The following CDH4 variants were observed in gnomAD, a reference collection of about 807,000 sequenced individuals.
The protein encoded by CDH4 is cadherin-4.
In CDH4, 33 loss-of-function variants were observed where a neutral mutation model predicts 86.0. The observed-to-expected ratio is 0.38, with a 90% CI of 0.29 to 0.51. CDH4 has a LOEUF of 0.51. Among genes scored for constraint, CDH4 ranks in the 20% least tolerant of loss-of-function variants. The pLI is 0.86. For synonymous variants in CDH4, 555 were observed against 549.4 expected (o/e 1.01, Z -0.14); for missense variants, 1,114 against 1,307.4 (o/e 0.85, Z 2.28).
intron 2 of CDH4, among the ~76,000 whole-genome samples, chr20:61,379,173 TA>T (rs1482250116): frequency 3.3e-5 from 5 of 152,116 alleles, no homozygotes; most frequent in Non-Finnish European, 7.3e-5. Context: ...CTTAACAGAC[TA>T]ACACCAGGGT....
chr20:61,314,170 C>A (rs529144402), intron 2 of CDH4, among the ~76,000 whole-genome samples: 1 of 152,322 alleles, frequency 6.6e-6, no homozygotes, highest in African/African-American at 2.4e-5. Flanking sequence ...TTCAAATTAA[C>A]CATACAGTGT....
intron 2 of CDH4, among the ~76,000 whole-genome samples, chr20:61,716,715 C>A (rs1431327546): frequency 6.6e-6 from 1 of 152,128 alleles, no homozygotes; most frequent in African/African-American, 2.4e-5. Flanking sequence ...TTGAGACCAG[C>A]CTGGCCAACA....
rs1600819208 is a variant in CDH4, at chr20:61,269,183, G to A, written c.169+14246G>A. Among the ~76,000 whole-genome samples the A allele has an allele frequency of 6.6e-6, 1 of 152,298 alleles. No homozygotes were observed. Among genetic ancestry groups the A allele is most frequent in the East Asian group, 1.9e-4 (1 of 5,182 alleles). On this transcript the variant is annotated intron_variant, in intron 2 of 15. Transcript: ENST00000614565. This position sits in a 1 kb window ranked among gnomAD's most constrained non-coding sequence, Gnocchi z 5.3. ...TGGGTTCATCTGCATGACCACCCTA[G>A]GCAGGAGGCATGTTACTAACCCTCC...
intron 2 of CDH4, among the ~76,000 whole-genome samples, chr20:61,648,786 C>T (rs76281002): frequency 0.021 from 3,146 of 152,266 alleles, 126 homozygotes; most frequent in African/African-American, 0.071. Flanking sequence ...ATGGCCACAC[C>T]TCTCCCAGCT....
At chr20:61,304,516 T>A (rs983009298) in intron 2 of CDH4, among the ~76,000 whole-genome samples, 4 of 151,110 alleles carry the variant, frequency 2.6e-5, no homozygotes, top group Non-Finnish European at 5.9e-5. Flanking sequence ...TGTGCTGTGT[T>A]TGTTGTGTTG....
intron 2 of CDH4, among the ~76,000 whole-genome samples, chr20:61,285,757 C>T (rs2084289852): frequency 6.6e-6 from 1 of 152,256 alleles, no homozygotes; most frequent in Admixed American, 6.5e-5. Context: ...GAAAGGATTA[C>T]TCTGCAGACA....
chr20:61,840,851 C>T (rs1392609838), intron 4 of CDH4, among the ~76,000 whole-genome samples: 1 of 152,244 alleles, frequency 6.6e-6, no homozygotes, highest in Admixed American at 6.5e-5. Flanking sequence ...GCACATCACC[C>T]GCAGCCACCC....
chr20:61,832,255 C>G (rs1042726371), intron 4 of CDH4, among the ~76,000 whole-genome samples: 1 of 152,208 alleles, frequency 6.6e-6, no homozygotes, highest in Non-Finnish European at 1.5e-5. Flanking sequence ...GATCCCAGCT[C>G]AAGGGCTTGT....
chr20:61,743,926 G>A (rs1241076696), intron 3 of CDH4, 137 bp downstream of exon 3: 3 of 700,746 alleles, frequency 4.3e-6, no homozygotes, highest in East Asian at 2.7e-5. Flanking sequence ...TCAGGCCATT[G>A]CCAACCAAGC....
intron 2 of CDH4, among the ~76,000 whole-genome samples, chr20:61,374,057 G>A (rs1327368596): frequency 6.6e-6 from 1 of 152,172 alleles, no homozygotes; most frequent in Non-Finnish European, 1.5e-5. Flanking sequence ...GGGCTCCTGC[G>A]TGATGGTGAC....
At position 61,829,369 on chromosome 20, in the gene CDH4, T is replaced by C. The variant is rs1981482103; in HGVS notation, c.577-15299T>C. Among the ~76,000 whole-genome samples the C allele has an allele frequency of 1.3e-5, 2 of 152,358 alleles. No homozygotes were observed. The highest frequency in any genetic ancestry group is 4.1e-4 in the South Asian group (2 of 4,832). Reference sequence around the variant, plus strand: ...CTTTCAGGGCCAAATAACATTTCACTGTGTGGGTGGACCACGTTTAGCCAC... The same window carrying C: ...CTTTCAGGGCCAAATAACATTTCACCGTGTGGGTGGACCACGTTTAGCCAC... On this transcript the variant is annotated intron_variant, in intron 4 of 15. Coordinates refer to ENST00000614565, the MANE Select transcript of CDH4 (RefSeq NM_001794.5). This position sits in a 1 kb window ranked among gnomAD's most constrained non-coding sequence, Gnocchi z 4.2.
intron 2 of CDH4, among the ~76,000 whole-genome samples, chr20:61,290,662 C>T (rs993565130): frequency 6.6e-6 from 1 of 152,210 alleles, no homozygotes; most frequent in Non-Finnish European, 1.5e-5. Flanking sequence ...GTGCCTTCTC[C>T]AGAAGATGGC....
At chr20:61,366,970 G>A (rs965207287) in intron 2 of CDH4, among the ~76,000 whole-genome samples, 1 of 152,174 alleles carries the variant, frequency 6.6e-6, no homozygotes, top group African/African-American at 2.4e-5. Flanking sequence ...GGCCCTTTGC[G>A]GACCCTCCAG....
intron 2 of CDH4, among the ~76,000 whole-genome samples, chr20:61,687,040 T>A (rs1443390365): frequency 6.6e-6 from 1 of 150,910 alleles, no homozygotes; most frequent in Non-Finnish European, 1.5e-5. Flanking sequence ...TTGCTGGAAG[T>A]CTCTGCTCCG....
chr20:61,578,193 T>C (rs1018147113), intron 2 of CDH4, among the ~76,000 whole-genome samples: 1 of 152,206 alleles, frequency 6.6e-6, no homozygotes, highest in African/African-American at 2.4e-5. Flanking sequence ...GATCCACCCC[T>C]GTTGGTGAAG....
rs116735399 is a variant in CDH4, at chr20:61,580,010, A to C, written c.170-163553A>C. On this transcript the variant is annotated intron_variant, in intron 2 of 15. Coordinates refer to ENST00000614565, the MANE Select transcript of CDH4 (RefSeq NM_001794.5). ...AGGCGCATCCAGCACCTTCCCCGCC[A>C]GTCACATGTTTATCAGCTAGGAAGC... 9.0e-3 allele frequency among the ~76,000 whole-genome samples: 1,367 copies of C among 152,198 alleles called. 25 individuals are homozygous for C. The highest frequency in any genetic ancestry group is 0.032 in the African/African-American group (1,311 of 41,522).
At chr20:61,780,755 G>A (rs570892645) in intron 4 of CDH4, among the ~76,000 whole-genome samples, 14 of 152,322 alleles carry the variant, frequency 9.2e-5, no homozygotes, top group Admixed American at 2.0e-4. Context: ...GGGACTCCAC[G>A]CTCGAAGGGA....
At chr20:61,661,830 G>A (rs1208607864) in intron 2 of CDH4, among the ~76,000 whole-genome samples, 1 of 152,102 alleles carries the variant, frequency 6.6e-6, no homozygotes. Flanking sequence ...TCTGGCAGGT[G>A]CGGAGGGTGG....
intron 2 of CDH4, among the ~76,000 whole-genome samples, chr20:61,331,587 G>GACCCACCTCCT (rs1249020054): frequency 6.6e-6 from 1 of 151,846 alleles, no homozygotes; most frequent in African/African-American, 2.4e-5. Context: ...ACCTGCCCCA[G>GACCCACCTCCT]GCCCACCTCC....
Sources: allele counts gnomAD v4.1 joint callset (sites outside exome capture counted in the v4.1 genomes callset), GRCh38; gene constraint gnomAD v4.1.1; non-coding constraint Gnocchi (gnomAD v3.1); transcripts MANE v1.5; gene names NCBI Gene and HGNC (gene_info 2026-07-23, HGNC 2026-07-21).